The following MARCHF1 variants were observed in gnomAD, a reference collection of about 807,000 sequenced individuals.
MARCHF1 encodes the protein membrane associated ring-CH-type finger 1.
Under a neutral mutation model 54.2 loss-of-function variants are expected in MARCHF1, and 40 were observed. The ratio of observed to expected loss-of-function variants is 0.74; its 90% confidence interval spans 0.57 to 0.96. The LOEUF (loss-of-function observed/expected upper bound fraction) is 0.96, where lower values mean the gene tolerates loss of function less well. Among genes scored for constraint, MARCHF1 ranks in the 40% least tolerant of loss-of-function variants. MARCHF1 has a pLI of 0.00. For missense variants in MARCHF1, 586 were observed against 656.5 expected, an observed-to-expected ratio of 0.89 and a Z score of 1.17; for synonymous variants, 236 against 236.3, an observed-to-expected ratio of 1.00 and a Z score of 0.01.
chr4:163,791,215 C>T (rs1300351652), intron 4 of MARCHF1, among the ~76,000 whole-genome samples: 1 of 152,086 alleles, frequency 6.6e-6, no homozygotes, highest in African/African-American at 2.4e-5. Flanking sequence ...GATTTAGAAA[C>T]TTACGATAGG....
chr4:163,990,350 G>A (rs1457909511), intron 2 of MARCHF1, among the ~76,000 whole-genome samples: 2 of 151,262 alleles, frequency 1.3e-5, no homozygotes, highest in South Asian at 2.1e-4. Context: ...GTTCTGAACT[G>A]GACAGTTAAA....
rs78956864 is a variant in MARCHF1, at chr4:163,775,793, G to A, written c.112-74930C>T. Among the ~76,000 whole-genome samples, 3 of 152,148 alleles carry A rather than the reference G, an allele frequency of 2.0e-5. No individual in the cohort carries two copies. The South Asian group carries it at 6.2e-4, about 32-fold the overall frequency. On this transcript the variant is annotated intron_variant, in intron 4 of 9. Transcript: ENST00000514618. ...GAGTTGAGTGGATATAAAAAAAGGG[G>A]GAAAAAAGAGCAGACCAGAAATGTG... is the stretch of plus-strand genomic sequence containing the variant.
At chr4:163,863,387 A>G (rs924706592) in intron 3 of MARCHF1, among the ~76,000 whole-genome samples, 6 of 152,072 alleles carry the variant, frequency 3.9e-5, no homozygotes, top group Non-Finnish European at 8.8e-5. Context: ...CTATGGAGGT[A>G]TGACTCTGAC....
At chr4:163,596,942 A>G (rs1176460590) in intron 7 of MARCHF1, among the ~76,000 whole-genome samples, 3 of 143,930 alleles carry the variant, frequency 2.1e-5, no homozygotes, top group Non-Finnish European at 4.7e-5. Context: ...TACATCATTT[A>G]ATTACCCCAA....
chr4:164,375,202 C>T (rs904527854), intron 1 of MARCHF1, among the ~76,000 whole-genome samples: 6 of 152,092 alleles, frequency 3.9e-5, no homozygotes, highest in African/African-American at 1.4e-4. Context: ...GCTTCAGTAA[C>T]ATCTAATAGA....
At chr4:163,891,757 G>A (rs1020745181) in intron 3 of MARCHF1, among the ~76,000 whole-genome samples, 15 of 152,116 alleles carry the variant, frequency 9.9e-5, no homozygotes, top group Non-Finnish European at 1.5e-5. Context: ...GGTTACTGCA[G>A]AAAGCACAAC....
intron 4 of MARCHF1, among the ~76,000 whole-genome samples, chr4:163,757,156 T>C (rs1044525015): frequency 3.9e-5 from 6 of 152,228 alleles, no homozygotes; most frequent in East Asian, 3.8e-4. Context: ...GAGAAGATCA[T>C]TGTGTAAACT....
At chr4:163,742,161 A>G (rs1394177195) in intron 4 of MARCHF1, among the ~76,000 whole-genome samples, 3 of 152,046 alleles carry the variant, frequency 2.0e-5, no homozygotes, top group African/African-American at 7.3e-5. Context: ...TGGCTTAGGG[A>G]AATACTCCAT....
At chr4:164,100,955 G>T (rs560720430) in intron 2 of MARCHF1, among the ~76,000 whole-genome samples, 7 of 152,226 alleles carry the variant, frequency 4.6e-5, no homozygotes, top group African/African-American at 9.6e-5. Context: ...CTTGGGAAGC[G>T]CAAGAGGTCA....
chr4:163,684,467 C>A (rs2111175826), intron 5 of MARCHF1, among the ~76,000 whole-genome samples: 1 of 152,368 alleles, frequency 6.6e-6, no homozygotes, highest in South Asian at 2.1e-4. Flanking sequence ...ACACCAATTC[C>A]TCAACACCAG....
intron 3 of MARCHF1, among the ~76,000 whole-genome samples, chr4:163,923,975 T>C (rs1751486628): frequency 6.6e-6 from 1 of 152,090 alleles, no homozygotes; most frequent in Admixed American, 6.6e-5. Context: ...CATTGTATCA[T>C]GACTATTTTG....
At chr4:164,250,793 G>A (rs1029469256) in intron 1 of MARCHF1, among the ~76,000 whole-genome samples, 2 of 152,182 alleles carry the variant, frequency 1.3e-5, no homozygotes, top group South Asian at 2.1e-4. Context: ...ACAAGAAAAG[G>A]AGAAAAATAT....
chr4:163,671,562 T>C (rs1743737246), intron 5 of MARCHF1, among the ~76,000 whole-genome samples: 1 of 152,216 alleles, frequency 6.6e-6, no homozygotes, highest in Non-Finnish European at 1.5e-5. Context: ...TCCTTGTAAG[T>C]AGTGATGGAG....
intron 3 of MARCHF1, among the ~76,000 whole-genome samples, chr4:163,922,811 A>G (rs1751459946): frequency 6.6e-6 from 1 of 152,216 alleles, no homozygotes; most frequent in Non-Finnish European, 1.5e-5. Context: ...TTTGATTAAT[A>G]AAGAGTTGTT....
At chr4:164,381,538 G>T (rs6536812) in intron 1 of MARCHF1, among the ~76,000 whole-genome samples, 1 of 151,966 alleles carries the variant, frequency 6.6e-6, no homozygotes, top group Non-Finnish European at 1.5e-5. Flanking sequence ...ATGTTAAGGA[G>T]GTAAAACATC....
chr4:164,086,253 ACT>A (rs1454751067), intron 2 of MARCHF1, among the ~76,000 whole-genome samples: 1 of 151,750 alleles, frequency 6.6e-6, no homozygotes, highest in African/African-American at 2.4e-5. Context: ...CACTACACAA[ACT>A]CTATAAATAC....
intron 4 of MARCHF1, among the ~76,000 whole-genome samples, chr4:163,729,533 A>G (rs1250246695): frequency 6.6e-6 from 1 of 152,116 alleles, no homozygotes; most frequent in Non-Finnish European, 1.5e-5. Context: ...TATTTAATAG[A>G]TACAAGCCTA....
At chr4:163,687,952 T>C (rs750156220) in intron 5 of MARCHF1, among the ~76,000 whole-genome samples, 9 of 152,230 alleles carry the variant, frequency 5.9e-5, no homozygotes, top group Non-Finnish European at 8.8e-5. Context: ...TTGACAATTA[T>C]CCAGTTAATC....
At chr4:164,194,647 G>C (rs1731205870) in intron 1 of MARCHF1, among the ~76,000 whole-genome samples, 1 of 151,678 alleles carries the variant, frequency 6.6e-6, no homozygotes, top group Non-Finnish European at 1.5e-5. Context: ...CAAATGTTAA[G>C]GTCAAGTTCT....
Sources: allele counts gnomAD v4.1 joint callset (sites outside exome capture counted in the v4.1 genomes callset), GRCh38; gene constraint gnomAD v4.1.1; transcripts MANE v1.5; gene names NCBI Gene and HGNC (gene_info 2026-07-23, HGNC 2026-07-21).